The following SNX9 variants were observed in gnomAD, a reference collection of about 807,000 sequenced individuals.
The protein encoded by SNX9 is sorting nexin 9, also known as sorting nexin-9.
Under a neutral mutation model 89.4 loss-of-function variants are expected in SNX9, and 44 were observed. The ratio of observed to expected loss-of-function variants is 0.49; its 90% CI spans 0.39 to 0.63. SNX9 has a LOEUF of 0.63. Ranked by LOEUF, SNX9 falls within the 30% of genes least tolerant of loss-of-function variation. The probability of loss-of-function intolerance (pLI) is 0.00; values close to 1 mark genes in which losing one functional copy is unlikely to be tolerated. For missense variants in SNX9, 578 were observed against 736.1 expected (o/e 0.79, Z 2.49); for synonymous variants, 236 against 247.8 (o/e 0.95, Z 0.45).
intron 4 of SNX9, among the ~76,000 whole-genome samples, chr6:157,888,153 G>A (rs1257956240): frequency 6.6e-6 from 1 of 152,164 alleles, no homozygotes; most frequent in Non-Finnish European, 1.5e-5. Flanking sequence ...TTGACCAGGT[G>A]GCTTTGCTGA....
intron 1 of SNX9, among the ~76,000 whole-genome samples, chr6:157,865,716 A>G (rs542001622): frequency 6.6e-6 from 1 of 152,362 alleles, no homozygotes; most frequent in African/African-American, 2.4e-5. Flanking sequence ...ATGTATTTCA[A>G]GATAGCATTT....
intron 5 of SNX9, among the ~76,000 whole-genome samples, chr6:157,899,420 C>G (rs1384761469): frequency 6.6e-6 from 1 of 152,142 alleles, no homozygotes; most frequent in Non-Finnish European, 1.5e-5. Flanking sequence ...GAAGTCTTTT[C>G]TACTGTGTAC....
At chr6:157,914,241 C>T (rs1016421187) in intron 9 of SNX9, among the ~76,000 whole-genome samples, 1 of 152,134 alleles carries the variant, frequency 6.6e-6, no homozygotes, top group Non-Finnish European at 1.5e-5. Flanking sequence ...TTCCTGATGG[C>T]GAGTGGGGTT....
At chr6:157,894,042 C>T (rs1010586865) in intron 4 of SNX9, among the ~76,000 whole-genome samples, 15 of 150,836 alleles carry the variant, frequency 9.9e-5, no homozygotes, top group Non-Finnish European at 2.1e-4. Context: ...TTAGGGTGAC[C>T]GACTGAGGAC....
chr6:157,899,030 G>A (rs1245942248), intron 5 of SNX9, among the ~76,000 whole-genome samples: 1 of 152,066 alleles, frequency 6.6e-6, no homozygotes, highest in African/African-American at 2.4e-5. Context: ...GACACTAAAG[G>A]ACACTCAGGC....
At chr6:157,858,651 A>G (rs888170570) in intron 1 of SNX9, among the ~76,000 whole-genome samples, 5 of 152,234 alleles carry the variant, frequency 3.3e-5, no homozygotes, top group East Asian at 1.9e-4. Flanking sequence ...TCACACTGCT[A>G]GTAAAGACAT....
chr6:157,826,870 G>GTTTATATAATATATAAATATATATTATAT (rs1781364424), intron 1 of SNX9, among the ~76,000 whole-genome samples: 1 of 89,074 alleles, frequency 1.1e-5, no homozygotes, highest in African/African-American at 6.0e-5. Context: ...ATATATTATA[G>GTTTATATAATATATAAATATATATTATAT]TTTATATAAT....
intron 1 of SNX9, among the ~76,000 whole-genome samples, chr6:157,826,782 TATA>T (rs1291602290): frequency 8.6e-4 from 91 of 105,466 alleles, no homozygotes; most frequent in Middle Eastern, 8.1e-3. Flanking sequence ...ATAAATATAT[TATA>T]TTATATATAT....
At chr6:157,862,115 T>G (rs1782144054) in intron 1 of SNX9, among the ~76,000 whole-genome samples, 1 of 152,230 alleles carries the variant, frequency 6.6e-6, no homozygotes, top group Admixed American at 6.5e-5. Flanking sequence ...ATTTAATATT[T>G]TCCAACTGCA....
chr6:157,904,349 G>A (rs368592674), intron 6 of SNX9, among the ~76,000 whole-genome samples: 2 of 152,174 alleles, frequency 1.3e-5, no homozygotes, highest in South Asian at 4.1e-4. Context: ...CAGGAGAATC[G>A]CTTGAACCCG....
chr6:157,828,490 G>T (rs960767928), intron 1 of SNX9, among the ~76,000 whole-genome samples: 7 of 151,958 alleles, frequency 4.6e-5, no homozygotes, highest in African/African-American at 7.3e-5. Context: ...TTATGATTAT[G>T]ATTATTATTA....
At chr6:157,884,355 C>T (rs977432028) in intron 4 of SNX9, among the ~76,000 whole-genome samples, 1 of 152,184 alleles carries the variant, frequency 6.6e-6, no homozygotes, top group African/African-American at 2.4e-5. Context: ...GTTGGAACTA[C>T]ATTTTGCTTT....
intron 1 of SNX9, among the ~76,000 whole-genome samples, chr6:157,826,152 A>C (rs1781339874): frequency 6.6e-6 from 1 of 152,202 alleles, no homozygotes; most frequent in Non-Finnish European, 1.5e-5. Context: ...ACAATAAAAA[A>C]GGAAATTATC....
chr6:157,878,424 G>A (rs946280019), intron 4 of SNX9, among the ~76,000 whole-genome samples: 1 of 150,416 alleles, frequency 6.6e-6, no homozygotes, highest in African/African-American at 2.5e-5. Context: ...GAATATGGAA[G>A]CCCACCATTT....
At chr6:157,872,268 C>T (rs1010415017) in intron 2 of SNX9, among the ~76,000 whole-genome samples, 2 of 151,944 alleles carry the variant, frequency 1.3e-5, no homozygotes, top group African/African-American at 4.8e-5. Flanking sequence ...ACAATTTTTC[C>T]TTTGATCATA....
chr6:157,926,253 G>A (rs1003794929), intron 10 of SNX9, among the ~76,000 whole-genome samples: 8 of 151,932 alleles, frequency 5.3e-5, no homozygotes, highest in Non-Finnish European at 1.2e-4. Flanking sequence ...AGGACAATGC[G>A]GGGGCTTTTG....
intron 4 of SNX9, among the ~76,000 whole-genome samples, chr6:157,880,311 C>T (rs1453434104): frequency 1.3e-5 from 2 of 152,148 alleles, no homozygotes; most frequent in Non-Finnish European, 2.9e-5. Flanking sequence ...CTTCTTTTCC[C>T]ACTTCTTCCC....
intron 1 of SNX9, among the ~76,000 whole-genome samples, chr6:157,852,569 A>G (rs910057531): frequency 6.7e-6 from 1 of 149,234 alleles, no homozygotes; most frequent in African/African-American, 2.6e-5. Context: ...TTCCTGTCCT[A>G]TGTGCTACTT....
At chr6:157,919,041 T>A (rs1440414208) in intron 9 of SNX9, among the ~76,000 whole-genome samples, 1 of 152,208 alleles carries the variant, frequency 6.6e-6, no homozygotes, top group Non-Finnish European at 1.5e-5. Context: ...TTAATCCTTA[T>A]ATTTCCGGTG....
Sources: allele counts gnomAD v4.1 joint callset (sites outside exome capture counted in the v4.1 genomes callset), GRCh38; gene constraint gnomAD v4.1.1; transcripts MANE v1.5; gene names NCBI Gene and HGNC (gene_info 2026-07-23, HGNC 2026-07-21).